Variants in CYRIA observed in about 807,000 individuals in gnomAD.
CYRIA encodes the protein CYFIP-related Rac1 interactor A.
A neutral mutation model predicts 43.9 loss-of-function variants in CYRIA; 15 were observed. That is an observed-to-expected ratio of 0.34 (90% CI 0.23 to 0.53). CYRIA has a LOEUF of 0.53. Among genes scored for constraint, CYRIA ranks in the 20% least tolerant of loss-of-function variants. The pLI, the probability that CYRIA is intolerant of heterozygous loss-of-function variation, is 0.94. For synonymous variants in CYRIA, 117 were observed against 136.0 expected, an observed-to-expected ratio of 0.86 and a Z score of 0.97; for missense variants, 236 against 394.2, an observed-to-expected ratio of 0.60 and a Z score of 3.40.
In CYRIA at chr2:16,558,487, G is replaced by A. The variant is rs556279822; in HGVS notation, c.837+973C>T. 3.3e-5 allele frequency among the ~76,000 whole-genome samples: 5 copies of A among 152,214 alleles called. No homozygotes were observed. The East Asian group carries it at 9.7e-4, about 30-fold the overall frequency. On this transcript the variant is annotated intron_variant, in intron 10 of 11. Transcript: ENST00000381323. ...GTGTCACCCAGACTCGGCTATACTGGAGTAAGTAAGTTACTACCAAGAGAT... is the reference window on the plus strand; with the variant it reads ...GTGTCACCCAGACTCGGCTATACTGAAGTAAGTAAGTTACTACCAAGAGAT...
chr2:16,658,338 A>G (rs1220764348), intron 1 of CYRIA, among the ~76,000 whole-genome samples: 1 of 152,264 alleles, frequency 6.6e-6, no homozygotes, highest in Non-Finnish European at 1.5e-5. Flanking sequence ...AGGAACCTAG[A>G]GGACGTAGCA....
At chr2:16,558,549 G>A (rs992516517) in intron 10 of CYRIA, among the ~76,000 whole-genome samples, 1 of 152,126 alleles carries the variant, frequency 6.6e-6, no homozygotes, top group Admixed American at 6.6e-5. Flanking sequence ...ATGAGTACAT[G>A]GAATACACTA....
chr2:16,662,677 C>T (rs1334258854), intron 1 of CYRIA, among the ~76,000 whole-genome samples: 3 of 152,200 alleles, frequency 2.0e-5, no homozygotes, highest in Admixed American at 1.3e-4. Flanking sequence ...CTCTCCCCTA[C>T]CCTGCTCACA....
intron 2 of CYRIA, among the ~76,000 whole-genome samples, chr2:16,616,718 G>A (rs371602966): frequency 3.3e-5 from 5 of 152,360 alleles, no homozygotes; most frequent in South Asian, 2.1e-4. Flanking sequence ...AAATTCAACC[G>A]AGGCTTTAAG....
rs558403609 is a variant in CYRIA, at chr2:16,615,725, C to T, written c.-11+8139G>A. On this transcript the variant is annotated intron_variant, in intron 2 of 11. Coordinates refer to ENST00000381323, the MANE Select transcript of CYRIA (RefSeq NM_030797.4). ...ATCTGTTATAATAGAAAATCTAGAT[C>T]GCTAAATGCAATGCAAAAGCAGAGA... Among the ~76,000 whole-genome samples, 4 of 152,364 alleles carry T rather than the reference C, an allele frequency of 2.6e-5. No individual in the cohort carries two copies. The East Asian group carries it at 5.8e-4, about 22-fold the overall frequency.
chr2:16,559,123 A>G (rs1173621895), intron 10 of CYRIA, among the ~76,000 whole-genome samples: 2 of 152,184 alleles, frequency 1.3e-5, no homozygotes, highest in African/African-American at 4.8e-5. Flanking sequence ...TCTTCACAAT[A>G]GGACACACAT....
intron 1 of CYRIA, among the ~76,000 whole-genome samples, chr2:16,644,106 T>G (rs1669752680): frequency 6.6e-6 from 1 of 152,264 alleles, no homozygotes; most frequent in Non-Finnish European, 1.5e-5. Flanking sequence ...CTCCCCTCTT[T>G]GAGCATCGGT....
At chr2:16,557,538 T>C (rs1666568822) in intron 10 of CYRIA, among the ~76,000 whole-genome samples, 1 of 133,498 alleles carries the variant, frequency 7.5e-6, no homozygotes, top group African/African-American at 3.3e-5. Flanking sequence ...AGACCCTATA[T>C]GTCGTAAAAA....
Position 16,559,419 on chromosome 2 carries a change from T to C in CYRIA, c.837+41A>G, listed in dbSNP as rs376408145. On this transcript the variant is annotated intron_variant, in intron 10 of 11. Transcript: ENST00000381323. The stretch of plus-strand genomic sequence containing the variant: ...GAAAAACAAGGTCTGGCAACATTCA[T>C]GGGCCCTTATTTGGAAAGCACATTT... 4 of 1,599,274 alleles carry C rather than the reference T, an allele frequency of 2.5e-6. No individual in the cohort carries two copies. The South Asian group carries it at 3.4e-5, about 13-fold the overall frequency.
At chr2:16,664,308 C>G (rs754626854) in intron 1 of CYRIA, among the ~76,000 whole-genome samples, 7 of 152,114 alleles carry the variant, frequency 4.6e-5, no homozygotes, top group Non-Finnish European at 8.8e-5. Flanking sequence ...CAGCCCCCAG[C>G]CTGGGCCCAG....
At position 16,551,283 on chromosome 2, in the gene CYRIA, G is replaced by A. The variant is rs1382709045; in HGVS notation, c.*1653C>T. 1 of 152,090 alleles carries A rather than the reference G, an allele frequency of 6.6e-6. No individual in the cohort carries two copies. The highest frequency in any genetic ancestry group is 1.5e-5 in the Non-Finnish European group (1 of 68,004). 9.4% of individuals were successfully genotyped at this position (152,090 alleles called of 1,614,324 possible). A position where few individuals can be genotyped will look rare whatever the true frequency, so the allele number is the denominator to read the frequency against. On this transcript the variant is annotated 3_prime_UTR_variant, in exon 12 of 12. Transcript: ENST00000381323. ...AATGGAGTCTTATAGCTCATTCCTG[G>A]GATGTTGCAAATAATGCCAAACTCT...
chr2:16,635,118 C>T (rs2103526942), intron 1 of CYRIA, among the ~76,000 whole-genome samples: 1 of 152,292 alleles, frequency 6.6e-6, no homozygotes, highest in African/African-American at 2.4e-5. Context: ...AGGGAGGAGA[C>T]ATTTGACAAT....
At chr2:16,555,036 T>C in intron 11 of CYRIA, 33 bp downstream of exon 11, 1 of 1,590,262 alleles carries the variant, frequency 6.3e-7, no homozygotes, top group Non-Finnish European at 8.6e-7. Context: ...AGGCTGGCTG[T>C]TCCCTGTGAG....
chr2:16,605,550 A>C (rs1454957753), intron 2 of CYRIA, among the ~76,000 whole-genome samples: 1 of 152,234 alleles, frequency 6.6e-6, no homozygotes, highest in African/African-American at 2.4e-5. Context: ...TTCAAATGGA[A>C]AGGTACCCCA....
chr2:16,627,220 C>A (rs894244257), intron 1 of CYRIA, among the ~76,000 whole-genome samples: 20 of 152,156 alleles, frequency 1.3e-4, no homozygotes, highest in Non-Finnish European at 8.8e-5. Flanking sequence ...AAGGCAATAT[C>A]CACTACGGGA....
chr2:16,604,672 T>C (rs1006457211), intron 2 of CYRIA, among the ~76,000 whole-genome samples: 43 of 152,382 alleles, frequency 2.8e-4, no homozygotes, highest in South Asian at 1.2e-3. Flanking sequence ...CAGCTGTTTT[T>C]CTGGGGAAAA....
intron 3 of CYRIA, among the ~76,000 whole-genome samples, chr2:16,571,495 C>T (rs988947626): frequency 4.6e-5 from 7 of 152,204 alleles, no homozygotes; most frequent in African/African-American, 1.7e-4. Context: ...TTTTATAGAT[C>T]GGCCAAGGAC....
At chr2:16,557,554 T>C (rs1666570040) in intron 10 of CYRIA, among the ~76,000 whole-genome samples, 1 of 150,626 alleles carries the variant, frequency 6.6e-6, no homozygotes, top group African/African-American at 2.5e-5. Context: ...AAAAAAAAAA[T>C]GGCCCATCTC....
At chr2:16,657,908 A>G (rs949230826) in intron 1 of CYRIA, among the ~76,000 whole-genome samples, 2 of 152,212 alleles carry the variant, frequency 1.3e-5, no homozygotes, top group African/African-American at 4.8e-5. Context: ...ATGATGAAAT[A>G]AACTTCCCAT....
Sources: gnomAD v4.1 joint callset for allele counts (sites outside exome capture counted in the v4.1 genomes callset) on GRCh38, gnomAD v4.1.1 for gene constraint, MANE v1.5 for transcripts, NCBI Gene and HGNC (gene_info 2026-07-23, HGNC 2026-07-21) for gene names.